Variants in CREM observed in about 807,000 individuals in gnomAD.
The protein encoded by CREM is cAMP-responsive element modulator.
CREM carries 13 observed loss-of-function variants against 37.3 expected under a neutral mutation model. That is an observed-to-expected ratio of 0.35 (90% CI 0.23 to 0.55). CREM has a LOEUF of 0.55. Ranked by LOEUF, CREM falls within the 20% of genes least tolerant of loss-of-function variation. CREM has a pLI of 0.88. For synonymous variants in CREM, 124 were observed against 120.2 expected (o/e 1.03, Z -0.21); for missense variants, 296 against 362.3 (o/e 0.82, Z 1.49).
chr10:35,194,469 T>A (rs1463784359), intron 6 of CREM, among the ~76,000 whole-genome samples: 1 of 152,216 alleles, frequency 6.6e-6, no homozygotes, highest in East Asian at 1.9e-4. Context: ...AGTTCAAATA[T>A]CAGCAAGTTC....
intron 6 of CREM, among the ~76,000 whole-genome samples, chr10:35,193,795 T>C (rs755841303): frequency 6.6e-6 from 1 of 151,998 alleles, no homozygotes; most frequent in Non-Finnish European, 1.5e-5. Flanking sequence ...TTGGGTTGAA[T>C]TCTAATCATA....
intron 1 of CREM, among the ~76,000 whole-genome samples, chr10:35,137,122 C>T (rs1444270052): frequency 6.6e-6 from 1 of 152,104 alleles, no homozygotes; most frequent in Non-Finnish European, 1.5e-5. Flanking sequence ...CTCAAATGTT[C>T]TTTTGTCTTT....
At chr10:35,149,571 G>C (rs1230065788) in intron 3 of CREM, among the ~76,000 whole-genome samples, 1 of 152,112 alleles carries the variant, frequency 6.6e-6, no homozygotes, top group Non-Finnish European at 1.5e-5. Context: ...AGGGTGCCTG[G>C]TGGAGTCAAA....
In CREM at chr10:35,172,180, A is replaced by G. The variant is rs545265389; in HGVS notation, c.169-6709A>G. ...TATAAAGCATAATTTCTATTTTGCC[A>G]GTCTCTGACACATGGGCTCTGTCAG... On this transcript the variant is annotated intron_variant, in intron 3 of 7. Coordinates refer to ENST00000685392, the MANE Select transcript of CREM (RefSeq NM_183011.2). 2.6e-5 allele frequency among the ~76,000 whole-genome samples: 4 copies of G among 152,272 alleles called. No individual in the cohort carries two copies. The South Asian group carries it at 8.3e-4, about 32-fold the overall frequency.
At chr10:35,138,336 A>T (rs933805866) in intron 2 of CREM, among the ~76,000 whole-genome samples, 1 of 152,196 alleles carries the variant, frequency 6.6e-6, no homozygotes, top group Non-Finnish European at 1.5e-5. Context: ...CGTTAGTTGG[A>T]TGTAGTCCTA....
Position 35,201,460 on chromosome 10 carries a change from C to G in CREM, c.599-5435C>G, listed in dbSNP as rs1409650573. 3 of 1,551,510 alleles carry G rather than the reference C, an allele frequency of 1.9e-6. No individual in the cohort carries two copies. The African/African-American group carries it at 4.1e-5, about 21-fold the overall frequency. On this transcript the variant is annotated intron_variant, in intron 6 of 7. Coordinates refer to ENST00000685392, the MANE Select transcript of CREM (RefSeq NM_183011.2). ...TATCCCCATTTTACAGATGAGGAAA[C>G]TGAACTTGCCCCAAGTCACATGGCT...
At chr10:35,187,084 A>AAT (rs1431534319) in intron 5 of CREM, among the ~76,000 whole-genome samples, 11 of 49,084 alleles carry the variant, frequency 2.2e-4, no homozygotes, top group Admixed American at 7.5e-4. Context: ...TAATATATAT[A>AAT]ATATATAATA....
At chr10:35,152,813 A>C (rs1196410832) in intron 3 of CREM, among the ~76,000 whole-genome samples, 1 of 152,212 alleles carries the variant, frequency 6.6e-6, no homozygotes, top group Non-Finnish European at 1.5e-5. Flanking sequence ...AAATAGTGAC[A>C]CTTACATCCT....
intron 5 of CREM, among the ~76,000 whole-genome samples, chr10:35,187,986 T>C (rs752958007): frequency 4.6e-5 from 7 of 152,212 alleles, no homozygotes; most frequent in Non-Finnish European, 7.3e-5. Context: ...CTCAAACATT[T>C]CTGAATATAA....
chr10:35,165,395 A>G (rs944616792), intron 3 of CREM, among the ~76,000 whole-genome samples: 2 of 152,174 alleles, frequency 1.3e-5, no homozygotes, highest in African/African-American at 2.4e-5. Flanking sequence ...TCCAACATTG[A>G]GGATTATATT....
chr10:35,138,758 T>G (rs2090995822), intron 2 of CREM, among the ~76,000 whole-genome samples: 1 of 151,812 alleles, frequency 6.6e-6, no homozygotes, highest in African/African-American at 2.4e-5. Flanking sequence ...GTGCAGTGGC[T>G]TAATCTGTAA....
At chr10:35,201,356 G>T in intron 6 of CREM, 2 of 1,335,758 alleles carry the variant, frequency 1.5e-6, no homozygotes, top group Non-Finnish European at 2.1e-6. Context: ...TTTGTGGAGT[G>T]CCTGCCATGT....
intron 5 of CREM, among the ~76,000 whole-genome samples, chr10:35,186,241 T>C (rs2094549959): frequency 6.6e-6 from 1 of 152,196 alleles, no homozygotes; most frequent in South Asian, 2.1e-4. Context: ...ATCTTTATGT[T>C]AAAATATACA....
chr10:35,136,649 C>G (rs2090566751), intron 1 of CREM, among the ~76,000 whole-genome samples: 1 of 152,132 alleles, frequency 6.6e-6, no homozygotes, highest in Non-Finnish European at 1.5e-5. Flanking sequence ...TATATGACAT[C>G]ATTTAGAAGA....
intron 2 of CREM, 112 bp downstream of exon 2, chr10:35,137,991 C>T (rs2090838281): frequency 1.3e-5 from 8 of 639,496 alleles, no homozygotes; most frequent in Non-Finnish European, 1.9e-5. Context: ...TATATATATT[C>T]TATTATAATA....
At chr10:35,208,350 T>C (rs1215995450) in intron 7 of CREM, among the ~76,000 whole-genome samples, 1 of 152,204 alleles carries the variant, frequency 6.6e-6, no homozygotes, top group Non-Finnish European at 1.5e-5. Context: ...AAGCAACATA[T>C]TATAAAATGC....
chr10:35,187,098 ATG>A (rs1188259926), intron 5 of CREM, among the ~76,000 whole-genome samples: 73 of 50,234 alleles, frequency 1.5e-3, no homozygotes, highest in African/African-American at 4.5e-3. Context: ...TATAATATAT[ATG>A]ATATATATTA....
At chr10:35,160,574 A>AT (rs930497412) in intron 3 of CREM, among the ~76,000 whole-genome samples, 12 of 151,994 alleles carry the variant, frequency 7.9e-5, no homozygotes, top group Non-Finnish European at 1.2e-4. Context: ...AACTTATTTT[A>AT]TTTTTTTGCT....
chr10:35,175,884 G>A, intron 3 of CREM: 1 of 1,560,574 alleles, frequency 6.4e-7, no homozygotes, highest in Non-Finnish European at 8.7e-7. Context: ...ACCAGAAGAG[G>A]CTCCCCAGCT....
Sources: gnomAD v4.1 joint callset for allele counts (sites outside exome capture counted in the v4.1 genomes callset) on GRCh38, gnomAD v4.1.1 for gene constraint, MANE v1.5 for transcripts, NCBI Gene and HGNC (gene_info 2026-07-23, HGNC 2026-07-21) for gene names.